The following NSD2 variants were observed in gnomAD, a reference collection of about 807,000 sequenced individuals.
NSD2 encodes the protein histone-lysine N-methyltransferase NSD2.
Under a neutral mutation model 139.0 loss-of-function variants are expected in NSD2, and 12 were observed. The observed-to-expected ratio is 0.09, with a 90% CI of 0.06 to 0.14. NSD2 has a LOEUF of 0.14. Among genes scored for constraint, NSD2 ranks in the 10% least tolerant of loss-of-function variants. NSD2 has a pLI of 1.00. For missense variants in NSD2, 1,155 were observed against 1,745.0 expected, an observed-to-expected ratio of 0.66 and a Z score of 6.02; for synonymous variants, 669 against 648.7, an observed-to-expected ratio of 1.03 and a Z score of -0.48.
intron 17 of NSD2, among the ~76,000 whole-genome samples, chr4:1,960,108 C>T (rs1167153421): frequency 6.6e-6 from 1 of 152,190 alleles, no homozygotes; most frequent in African/African-American, 2.4e-5. Context: ...ATCCTCCTGC[C>T]TAGGCCTCCC....
chr4:1,974,517 G>T lies in NSD2; in HGVS notation c.3373-346G>T, dbSNP rs372296910. 2.4e-6 allele frequency: 1 copy of T among 409,052 alleles called. No homozygotes were observed. 25.3% of individuals were successfully genotyped at this position (409,052 alleles called of 1,614,324 possible). A position where few individuals can be genotyped will look rare whatever the true frequency, so the allele number is the denominator to read the frequency against. On this transcript the variant is annotated intron_variant, in intron 18 of 21. Transcript: ENST00000508803. This position sits in a 1 kb window ranked among gnomAD's most constrained non-coding sequence, Gnocchi z 4.0. ...GCGTGAGCCACTGCGCCCAGCCAGGGTGAGTCTTGTTCTTGTCCTTGAGTG... is the reference window on the plus strand; with the variant it reads ...GCGTGAGCCACTGCGCCCAGCCAGGTTGAGTCTTGTTCTTGTCCTTGAGTG...
intron 1 of NSD2, chr4:1,899,242 C>T (rs1410572391): frequency 6.6e-6 from 1 of 152,202 alleles, no homozygotes; most frequent in South Asian, 2.1e-4. Context: ...TCTGTGGAGA[C>T]TGCGGGTTGC....
In NSD2 at chr4:1,938,517, C is replaced by T. The variant is rs1722729168; in HGVS notation, c.1741C>T (p.Leu581Phe). ...CAAGGCCATGGAGGCAGCCTCCTCGCTCAAGAGCCAGGCAGGTAATGTGGT... is the reference window on the plus strand; with the variant it reads ...CAAGGCCATGGAGGCAGCCTCCTCGTTCAAGAGCCAGGCAGGTAATGTGGT... Reference protein sequence around the residue: ...SYKAMEAASSLKSQAATKNLS... With the variant: ...SYKAMEAASSFKSQAATKNLS... The change falls in exon 8 of 22, where the codon CTC becomes TTC. Residue 581 changes from leucine (L) to phenylalanine (F), a missense_variant. Leu to Phe is a conservative substitution (Grantham distance 22, BLOSUM62 0). Transcript: ENST00000508803. The T allele has an allele frequency of 6.3e-7, 1 of 1,583,550 alleles. No individual in the cohort carries two copies. Among genetic ancestry groups the T allele is most frequent in the South Asian group, 1.1e-5 (1 of 90,206 alleles).
At chr4:1,904,145 AT>A (rs1717576039) in intron 2 of NSD2, 70 bp from the exon 3 acceptor site, 2 of 1,527,974 alleles carry the variant, frequency 1.3e-6, no homozygotes, top group East Asian at 4.6e-5. Context: ...AGCCTGGTGA[AT>A]CCTTGGTCTT....
Position 1,976,922 on chromosome 4 carries a change from A to AG in NSD2, c.3826+246dup, listed in dbSNP as rs1258340512. On this transcript the variant is annotated intron_variant, in intron 21 of 21. Transcript: ENST00000508803. This position sits in a 1 kb window ranked among gnomAD's most constrained non-coding sequence, Gnocchi z 5.3. ...CGGGGTAGCCCCTGGAACCTCCAGG[A>AG]GGGATTCAGGCAGCCCAAGGCCCAG... Among the ~76,000 whole-genome samples the AG allele has an allele frequency of 6.6e-6, 1 of 152,228 alleles. No individual in the cohort carries two copies. The highest frequency in any genetic ancestry group is 1.5e-5 in the Non-Finnish European group (1 of 68,038).
At position 1,900,700 on chromosome 4, in the gene NSD2, G is replaced by T. The variant is rs1350111590; in HGVS notation, c.46G>T (p.Val16Leu). ...KQSPLSVQSVVKCIKMKQAPE... is the reference protein window; with the variant it reads ...KQSPLSVQSVLKCIKMKQAPE... ...GAGTCCCCTTTCTGTTCAGAGTGTT[G>T]TAAAGTGCATAAAGATGAAGCAGGC... Residue 16 changes from valine to leucine, a missense_variant, in exon 2 of 22, where the codon GTA (valine) becomes TTA (leucine). By Grantham distance (32) the Val-to-Leu change is conservative. Transcript: ENST00000508803. The T allele has an allele frequency of 6.2e-7, 1 of 1,612,620 alleles. No homozygotes were observed. The highest frequency in any genetic ancestry group is 1.1e-5 in the South Asian group (1 of 90,888).
intron 9 of NSD2, chr4:1,943,651 A>G (rs1206519803): frequency 9.5e-7 from 1 of 1,048,370 alleles, no homozygotes; most frequent in Admixed American, 5.5e-5. Context: ...CATAGCCCCA[A>G]AGATGGTCTA....
chr4:1,872,076 G>A (rs984288868), intron 1 of NSD2, among the ~76,000 whole-genome samples: 3 of 151,934 alleles, frequency 2.0e-5, no homozygotes, highest in South Asian at 2.1e-4. Context: ...GGGTCGGGCC[G>A]AGGGTCGCTT....
At chr4:1,962,337 A>G (rs1368010963) in intron 18 of NSD2, among the ~76,000 whole-genome samples, 1 of 152,226 alleles carries the variant, frequency 6.6e-6, no homozygotes, top group Non-Finnish European at 1.5e-5. Context: ...CAGAGCCTGA[A>G]TCTGGGATGA....
intron 4 of NSD2, 102 bp downstream of exon 4, chr4:1,917,139 T>C: frequency 8.9e-7 from 1 of 1,121,192 alleles, no homozygotes; most frequent in Non-Finnish European, 1.2e-6. Flanking sequence ...CGAAATATTG[T>C]AATGGCTTAA....
At chr4:1,874,734 C>T (rs1714126323) in intron 1 of NSD2, among the ~76,000 whole-genome samples, 1 of 152,090 alleles carries the variant, frequency 6.6e-6, no homozygotes, top group Non-Finnish European at 1.5e-5. Context: ...AAGAAATCTA[C>T]CTCGTCAATT....
chr4:1,917,089 C>G, intron 4 of NSD2, 52 bp downstream of exon 4: 1 of 1,476,834 alleles, frequency 6.8e-7, no homozygotes, highest in East Asian at 2.4e-5. Flanking sequence ...AATTTTTATT[C>G]TTTAAGTTAA....
At chr4:1,962,899 C>T (rs1036739570) in intron 18 of NSD2, among the ~76,000 whole-genome samples, 1 of 152,052 alleles carries the variant, frequency 6.6e-6, no homozygotes, top group Non-Finnish European at 1.5e-5. Flanking sequence ...AGGTGGGTAG[C>T]GCTTCCTCCT....
intron 10 of NSD2, among the ~76,000 whole-genome samples, chr4:1,951,424 T>C (rs984537446): frequency 1.4e-5 from 2 of 139,596 alleles, no homozygotes; most frequent in Non-Finnish European, 1.5e-5. Context: ...AGGATGAGAT[T>C]TGTATACACA....
intron 3 of NSD2, among the ~76,000 whole-genome samples, chr4:1,914,818 A>G (rs77645399): frequency 0.013 from 1,991 of 152,252 alleles, 48 homozygotes; most frequent in African/African-American, 0.046. Context: ...TTGTTCCATT[A>G]ACTTGGAGGC....
rs778411147 is a variant in NSD2, at chr4:1,942,675, G to T, written c.1881+2897G>T. ...TTCAAGTTGAAAGGCAGTCCCTTTA[G>T]TTGGGGGCTGTCCAGAGCTGCAGCA... On this transcript the variant is annotated intron_variant, in intron 9 of 21. Transcript: ENST00000508803. The surrounding 1 kb of genome is among the most constrained non-coding windows in gnomAD (Gnocchi z 4.0). 39 of 1,153,552 alleles carry T rather than the reference G, an allele frequency of 3.4e-5. No individual in the cohort carries two copies. Among genetic ancestry groups the T allele is most frequent in the South Asian group, 2.3e-4 (8 of 34,410 alleles). The allele number at this position is 1,153,552 out of a possible 1,614,324, so 71.5% of individuals were successfully genotyped here.
chr4:1,977,097 G>GTTC (rs1344025827), intron 21 of NSD2, among the ~76,000 whole-genome samples: 1 of 152,244 alleles, frequency 6.6e-6, no homozygotes, highest in African/African-American at 2.4e-5. Context: ...GCACTACAGT[G>GTTC]GGAATGGAGG....
rs200621548 is a variant in NSD2 at position 1,900,885 on chromosome 4, C to G, written c.231C>G (p.Asp77Glu). 2.5e-6 allele frequency: 4 copies of G among 1,612,878 alleles called. No individual in the cohort carries two copies. Among genetic ancestry groups the G allele is most frequent in the Non-Finnish European group, 2.5e-6 (3 of 1,179,252 alleles). Residue 77 changes from aspartate (D) to glutamate (E), a missense_variant, in exon 2 of 22, where the codon GAC (aspartate) becomes GAG (glutamate). Around this residue, in one of 8 missense-constraint regions of NSD2, gnomAD observed 246 missense variants for 262.8 expected, o/e 0.94. Coordinates refer to ENST00000508803, the MANE Select transcript of NSD2 (RefSeq NM_001042424.3). ...ACGCCCTGCCCTTTATTCCAGCCGA[C>G]AAGCTGAAAGATCTTACTTCCCGGG... is the stretch of plus-strand genomic sequence containing the variant. ...GHDALPFIPA[D>E]KLKDLTSRVF...
chr4:1,941,890 A>G (rs1196197557), intron 9 of NSD2: 2 of 1,064,402 alleles, frequency 1.9e-6, no homozygotes, highest in African/African-American at 3.3e-5. Flanking sequence ...GCCTGTTAGC[A>G]TATGAGGCAA....
Sources: allele counts gnomAD v4.1 joint callset (sites outside exome capture counted in the v4.1 genomes callset), GRCh38; gene constraint gnomAD v4.1.1; regional missense constraint gnomAD v4.1.1; non-coding constraint Gnocchi (gnomAD v3.1); transcripts MANE v1.5; gene names NCBI Gene and HGNC (gene_info 2026-07-23, HGNC 2026-07-21).